The following ABCA5 variants were observed in gnomAD, a reference collection of about 807,000 sequenced individuals.
ABCA5 encodes cholesterol transporter ABCA5.
A neutral mutation model predicts 206.0 loss-of-function variants in ABCA5; 163 were observed. That is an observed-to-expected ratio of 0.79 (90% CI 0.70 to 0.90). The LOEUF is 0.90. ABCA5 is among the 40% of genes least tolerant of loss of function. The pLI, the probability that ABCA5 is intolerant of heterozygous loss-of-function variation, is 0.00. For synonymous variants in ABCA5, 609 were observed against 613.8 expected, an observed-to-expected ratio of 0.99 and a Z score of 0.11; for missense variants, 1,859 against 1,912.9, an observed-to-expected ratio of 0.97 and a Z score of 0.53.
At chr17:69,283,117 G>C (rs139792801) in intron 18 of ABCA5, among the ~76,000 whole-genome samples, 157 of 151,096 alleles carry the variant, frequency 1.0e-3, no homozygotes, top group African/African-American at 3.5e-3. Flanking sequence ...CTCTAGAGTA[G>C]TTGGGACTAT....
chr17:69,247,470 T>G lies in ABCA5; in HGVS notation c.*67A>C. The G allele has an allele frequency of 8.3e-7, 1 of 1,206,222 alleles. No homozygotes were observed. The highest frequency in any genetic ancestry group is 1.2e-6 in the Non-Finnish European group (1 of 856,786). 74.7% of individuals were successfully genotyped at this position (1,206,222 alleles called of 1,614,324 possible). On this transcript the variant is annotated 3_prime_UTR_variant, in exon 39 of 39. Coordinates refer to ENST00000392676, the MANE Select transcript of ABCA5 (RefSeq NM_172232.4). ...CAGTTACCATTCCAATAAAAAACTT[T>G]TTAAACCAAAGTTAAAATTAAGTGA...
rs746176433 is a variant in ABCA5 at position 69,326,245 on chromosome 17, G to A, written c.-16+807C>T. Reference sequence around the variant, plus strand: ...TACAGGGTTGCTGTCAGAATGAAAAGAGCTAATACCGAGCCTGGCTTAAAG... The same window carrying A: ...TACAGGGTTGCTGTCAGAATGAAAAAAGCTAATACCGAGCCTGGCTTAAAG... On this transcript the variant is annotated intron_variant, in intron 1 of 38. Coordinates refer to ENST00000392676, the MANE Select transcript of ABCA5 (RefSeq NM_172232.4). The surrounding 1 kb of genome is among the most constrained non-coding windows in gnomAD (Gnocchi z 4.8). 6.6e-6 allele frequency among the ~76,000 whole-genome samples: 1 copy of A among 152,178 alleles called. No homozygotes were observed. The highest frequency in any genetic ancestry group is 1.5e-5 in the Non-Finnish European group (1 of 68,028).
At chr17:69,269,623 G>A (rs1369690156) in intron 22 of ABCA5, among the ~76,000 whole-genome samples, 2 of 152,122 alleles carry the variant, frequency 1.3e-5, no homozygotes, top group Non-Finnish European at 1.5e-5. Context: ...ACTCATAATA[G>A]CCAAAAGGTG....
intron 1 of ABCA5, among the ~76,000 whole-genome samples, chr17:69,318,248 C>T (rs1264797378): frequency 1.3e-5 from 2 of 151,994 alleles, no homozygotes; most frequent in African/African-American, 4.8e-5. Context: ...GCGCCTGCCA[C>T]CATGCTCAGC....
chr17:69,292,675 C>G (rs1248356765), intron 11 of ABCA5, among the ~76,000 whole-genome samples: 1 of 152,108 alleles, frequency 6.6e-6, no homozygotes, highest in Non-Finnish European at 1.5e-5. Flanking sequence ...GTACCAATAA[C>G]TTACATTGGA....
chr17:69,325,228 G>C (rs1274986423), intron 1 of ABCA5, among the ~76,000 whole-genome samples: 1 of 151,160 alleles, frequency 6.6e-6, no homozygotes, highest in African/African-American at 2.4e-5. Context: ...AGGATCACTT[G>C]AGCCTGCGAA....
Position 69,277,657 on chromosome 17 carries a change from T to C in ABCA5, c.2578A>G (p.Lys860Glu). 6.2e-7 allele frequency: 1 copy of C among 1,610,334 alleles called. No individual in the cohort carries two copies. The change falls in exon 19 of 39, where the codon AAA (lysine) becomes GAA (glutamate). Residue 860 changes from lysine to glutamate, a missense_variant. Lys to Glu is a moderately conservative substitution (Grantham distance 56, BLOSUM62 1). Coordinates refer to ENST00000392676, the MANE Select transcript of ABCA5 (RefSeq NM_172232.4). ...TATACTTACACTGATCTCACTGATT[T>C]ACTTTCACGTTTCAAGGTAAAGAAA... ...FHFFTLKRES[K>E]SVRSVLLLLL...
At chr17:69,285,860 C>A in intron 17 of ABCA5, 38 bp downstream of exon 17, 1 of 1,575,916 alleles carries the variant, frequency 6.3e-7, no homozygotes. Flanking sequence ...AATATAGGAT[C>A]CCAGTTCAAA....
chr17:69,253,684 A>T lies in ABCA5; in HGVS notation c.4321-17T>A, dbSNP rs902086500. ...AAAACACAACTACATGGAAAGAAAAAGATGGGTGGGAAATTAACAAAGGTT... is the reference window on the plus strand; with the variant it reads ...AAAACACAACTACATGGAAAGAAAATGATGGGTGGGAAATTAACAAAGGTT... On this transcript the variant is annotated splice_polypyrimidine_tract_variant and intron_variant, in intron 33 of 38. Transcript: ENST00000392676. 1.0e-5 allele frequency: 16 copies of T among 1,606,350 alleles called. No individual in the cohort carries two copies. The highest frequency in any genetic ancestry group is 1.4e-5 in the Non-Finnish European group (16 of 1,173,356).
chr17:69,312,758 C>T (rs368132127), intron 3 of ABCA5, among the ~76,000 whole-genome samples: 1 of 152,062 alleles, frequency 6.6e-6, no homozygotes, highest in Admixed American at 6.6e-5. Context: ...CTAAACATTG[C>T]TAGCTTCATA....
At chr17:69,314,469 A>G (rs780338385) in intron 1 of ABCA5, 39 bp from the exon 2 acceptor site, 3 of 1,246,668 alleles carry the variant, frequency 2.4e-6, no homozygotes, top group Admixed American at 1.9e-5. Context: ...ACCCGGAGCC[A>G]CGCAGTAAAC....
In ABCA5 at chr17:69,249,940, T is replaced by C; in HGVS notation, c.4730A>G (p.Gln1577Arg). 2 of 1,531,452 alleles carry C rather than the reference T, an allele frequency of 1.3e-6. No individual in the cohort carries two copies. The highest frequency in any genetic ancestry group is 8.8e-7 in the Non-Finnish European group (1 of 1,141,754). 94.9% of individuals were successfully genotyped at this position (1,531,452 alleles called of 1,614,324 possible). A position where few individuals can be genotyped will look rare whatever the true frequency, so the allele number is the denominator to read the frequency against. The change falls in exon 37 of 39, where the codon CAG becomes CGG. Residue 1577 changes from glutamine to arginine, a missense_variant. Gln to Arg is a conservative substitution (Grantham distance 43, BLOSUM62 1). Transcript: ENST00000392676. ...CTTAAAAAAAGATTGTGAAAGGGAC[T>C]GAACATCTTCCTTAGGAATTTTATA... ...LAYKIPKEDV[Q>R]SLSQSFFKLE...
At chr17:69,250,108 T>C in intron 36 of ABCA5, 124 bp from the exon 37 acceptor site, 1 of 640,258 alleles carries the variant, frequency 1.6e-6, no homozygotes, top group East Asian at 3.2e-5. Flanking sequence ...TTTAGTTGGA[T>C]GAAAATTGTT....
intron 37 of ABCA5, 120 bp from the exon 38 acceptor site, chr17:69,248,437 T>C (rs545958862): frequency 1.7e-6 from 1 of 582,012 alleles, no homozygotes; most frequent in African/African-American, 1.9e-5. Flanking sequence ...AATTTGAAGC[T>C]GCCAAAACAT....
chr17:69,304,851 G>C, intron 6 of ABCA5, 41 bp from the exon 7 acceptor site: 2 of 1,432,502 alleles, frequency 1.4e-6, no homozygotes, highest in Non-Finnish European at 1.8e-6. Context: ...CAAATGCATA[G>C]GCTTAACCAG....
At position 69,304,685 on chromosome 17, in the gene ABCA5, A is replaced by AG; in HGVS notation, c.913dup (p.Leu305ProfsTer18). ...AATACTTACAGATGATAATCCATAA[A>AG]GGAAAAAAAGCAGAAATATCACAAT... is the stretch of plus-strand genomic sequence containing the variant. On this transcript the variant is annotated frameshift_variant, in exon 7 of 39. Transcript: ENST00000392676. LOFTEE classifies it high-confidence loss of function. The AG allele has an allele frequency of 6.3e-7, 1 of 1,592,434 alleles. No individual in the cohort carries two copies.
Position 69,302,874 on chromosome 17 carries a change from A to G in ABCA5, c.963T>C (p.Phe321=). The G allele has an allele frequency of 6.4e-7, 1 of 1,564,784 alleles. No homozygotes were observed. Among genetic ancestry groups the G allele is most frequent in the Non-Finnish European group, 8.6e-7 (1 of 1,161,322 alleles). The change falls in exon 8 of 39, where the codon TTT becomes TTC. Residue 321 remains phenylalanine (F), a synonymous_variant. Coordinates refer to ENST00000392676, the MANE Select transcript of ABCA5 (RefSeq NM_172232.4). The part of the protein sequence containing the change: ...VFFALMLTPL[F]KKSKHVGIVE... ...CTATTCCCACATGTTTTGATTTTTT[A>G]AAAAGAGGTGTCAGCATTAAAGCAA...
At chr17:69,267,393 A>G (rs1025659553) in intron 23 of ABCA5, among the ~76,000 whole-genome samples, 6 of 152,174 alleles carry the variant, frequency 3.9e-5, no homozygotes, top group Non-Finnish European at 8.8e-5. Flanking sequence ...CTGAAGGAAA[A>G]CAAAAGGGAA....
At chr17:69,285,873 C>G (rs762311926) in intron 17 of ABCA5, 25 bp downstream of exon 17, 8 of 1,597,402 alleles carry the variant, frequency 5.0e-6, no homozygotes, top group Admixed American at 3.5e-5. Flanking sequence ...AGTTCAAACA[C>G]CAAGAGACTT....
Sources: gnomAD v4.1 joint callset for allele counts (sites outside exome capture counted in the v4.1 genomes callset) on GRCh38, gnomAD v4.1.1 for gene constraint, Gnocchi (gnomAD v3.1) non-coding constraint, MANE v1.5 for transcripts, NCBI Gene and HGNC (gene_info 2026-07-23, HGNC 2026-07-21) for gene names.